MORC1: variants seen among roughly 807,000 people sequenced by gnomAD.
The protein encoded by MORC1 is MORC family CW-type zinc finger protein 1.
In MORC1, 59 loss-of-function variants were observed where a neutral mutation model predicts 134.9. That is an observed-to-expected ratio of 0.44 (90% CI 0.35 to 0.54). The LOEUF is 0.54. MORC1 is among the 20% of genes least tolerant of loss of function. The pLI is 0.00. For synonymous variants in MORC1, 395 were observed against 391.7 expected, an observed-to-expected ratio of 1.01 and a Z score of -0.10; for missense variants, 947 against 1,134.5, an observed-to-expected ratio of 0.83 and a Z score of 2.37.
At chr3:109,111,620 G>A (rs2107804585) in intron 2 of MORC1, among the ~76,000 whole-genome samples, 1 of 152,210 alleles carries the variant, frequency 6.6e-6, no homozygotes, top group African/African-American at 2.4e-5. Flanking sequence ...CAATATCGAG[G>A]GTGTGAGAGA....
At chr3:109,074,176 T>C (rs1322761495) in intron 8 of MORC1, among the ~76,000 whole-genome samples, 1 of 152,166 alleles carries the variant, frequency 6.6e-6, no homozygotes, top group Non-Finnish European at 1.5e-5. Flanking sequence ...ATATCATCAC[T>C]CTCAGAGCTG....
intron 26 of MORC1, among the ~76,000 whole-genome samples, chr3:108,967,540 A>G (rs939310992): frequency 2.0e-5 from 3 of 152,188 alleles, no homozygotes; most frequent in Non-Finnish European, 4.4e-5. Context: ...TACTGTCAGC[A>G]TCTCCTCAAT....
chr3:108,995,877 C>T (rs1026296664), intron 21 of MORC1, among the ~76,000 whole-genome samples: 4 of 152,114 alleles, frequency 2.6e-5, no homozygotes, highest in Non-Finnish European at 5.9e-5. Flanking sequence ...GAATGTTAGC[C>T]AGTGCCATAT....
chr3:109,107,948 C>T (rs920200294), intron 3 of MORC1, among the ~76,000 whole-genome samples: 1 of 152,128 alleles, frequency 6.6e-6, no homozygotes, highest in East Asian at 1.9e-4. Flanking sequence ...GTAATCCCAG[C>T]ACTTTGGGAG....
At chr3:109,105,025 G>C (rs1261507170) in intron 3 of MORC1, among the ~76,000 whole-genome samples, 1 of 152,026 alleles carries the variant, frequency 6.6e-6, no homozygotes, top group South Asian at 2.1e-4. Flanking sequence ...AGCAATCACT[G>C]ATATGCTTTC....
intron 22 of MORC1, among the ~76,000 whole-genome samples, chr3:108,986,461 G>A (rs756728704): frequency 2.0e-5 from 3 of 152,044 alleles, no homozygotes; most frequent in Non-Finnish European, 4.4e-5. Context: ...ACTACTTTTA[G>A]GGACCTCAGA....
At chr3:109,045,625 T>C (rs923894782) in intron 14 of MORC1, among the ~76,000 whole-genome samples, 2 of 152,130 alleles carry the variant, frequency 1.3e-5, no homozygotes, top group African/African-American at 4.8e-5. Context: ...GTGGTCTACT[T>C]GAAGTGAAAA....
At chr3:109,062,140 T>G in intron 10 of MORC1, 82 bp from the exon 11 acceptor site, 1 of 1,262,074 alleles carries the variant, frequency 7.9e-7, no homozygotes, top group Non-Finnish European at 1.2e-6. Context: ...ACATGTAGCA[T>G]GACCAGTGAA....
intron 27 of MORC1, among the ~76,000 whole-genome samples, chr3:108,961,251 C>T (rs537681382): frequency 1.6e-4 from 24 of 152,288 alleles, no homozygotes; most frequent in Non-Finnish European, 1.8e-4. Flanking sequence ...ACTCCCTCTA[C>T]CACAGATTTG....
Position 109,035,468 on chromosome 3 carries a change from T to C in MORC1, c.1331A>G (p.Asn444Ser). The C allele has an allele frequency of 7.5e-7, 1 of 1,328,794 alleles. No individual in the cohort carries two copies. The highest frequency in any genetic ancestry group is 9.8e-7 in the Non-Finnish European group (1 of 1,016,880). The allele number at this position is 1,328,794 out of a possible 1,614,324, so 82.3% of individuals were successfully genotyped here. A position where few individuals can be genotyped will look rare whatever the true frequency, so the allele number is the denominator to read the frequency against. Residue 444 changes from asparagine (N) to serine (S), a missense_variant and splice_region_variant, in exon 15 of 28, where the codon AAT becomes AGT. This residue lies in a region of MORC1 where 722 missense variants were observed against 817.0 expected (regional missense o/e 0.88). Coordinates refer to ENST00000232603, the MANE Select transcript of MORC1 (RefSeq NM_014429.4). Reference protein sequence around the residue: ...LVQYCKDTGINNRNLTLFCNE... With the variant: ...LVQYCKDTGISNRNLTLFCNE... ...GCAAAACAATGTTAAATTTCTATTA[T>C]CTTTTAAAAAAAAAAGCAGGCAAAG...
chr3:109,064,389 A>G (rs1228411137), intron 9 of MORC1, among the ~76,000 whole-genome samples: 1 of 152,160 alleles, frequency 6.6e-6, no homozygotes, highest in Non-Finnish European at 1.5e-5. Flanking sequence ...TAAAAATATG[A>G]AGAAACACTA....
At chr3:109,097,724 C>T (rs1358257970) in intron 6 of MORC1, among the ~76,000 whole-genome samples, 1 of 151,968 alleles carries the variant, frequency 6.6e-6, no homozygotes, top group Non-Finnish European at 1.5e-5. Context: ...TATTCAGTGA[C>T]AGTAATACAC....
intron 17 of MORC1, among the ~76,000 whole-genome samples, chr3:109,022,385 G>A (rs947417399): frequency 6.6e-6 from 1 of 152,112 alleles, no homozygotes; most frequent in Non-Finnish European, 1.5e-5. Flanking sequence ...CTAAAAGTTC[G>A]GCAAGCCTTC....
chr3:109,032,989 T>C (rs1949273914), intron 15 of MORC1, among the ~76,000 whole-genome samples, 164 bp from the exon 16 acceptor site: 1 of 150,286 alleles, frequency 6.7e-6, no homozygotes, highest in African/African-American at 2.5e-5. Context: ...ATTCTAGGGT[T>C]CTATGAGCTA....
At chr3:109,053,899 T>C (rs181466065) in intron 14 of MORC1, among the ~76,000 whole-genome samples, 2 of 152,362 alleles carry the variant, frequency 1.3e-5, no homozygotes, top group African/African-American at 4.8e-5. Flanking sequence ...TTTATCTTTT[T>C]AAGTTTCCAG....
At chr3:109,085,889 C>A (rs1273992924) in intron 8 of MORC1, among the ~76,000 whole-genome samples, 1 of 152,050 alleles carries the variant, frequency 6.6e-6, no homozygotes, top group Non-Finnish European at 1.5e-5. Flanking sequence ...TGTACATATA[C>A]ACAACAGAAT....
At chr3:109,068,633 C>T (rs937389913) in intron 9 of MORC1, among the ~76,000 whole-genome samples, 7 of 152,142 alleles carry the variant, frequency 4.6e-5, no homozygotes, top group African/African-American at 1.4e-4. Flanking sequence ...TTTGGGTTGG[C>T]TCCATGATTT....
Position 108,984,790 on chromosome 3 carries a change from A to G in MORC1, c.2258-8T>C, listed in dbSNP as rs1297111226. 1 of 1,601,894 alleles carries G rather than the reference A, an allele frequency of 6.2e-7. No homozygotes were observed. The highest frequency in any genetic ancestry group is 1.3e-5 in the African/African-American group (1 of 74,604). ...TGCACAGCTCCTGTTTTTCTTCAAA[A>G]GAACATAGACAAACAATCGCATTTG... On this transcript the variant is annotated splice_region_variant and splice_polypyrimidine_tract_variant and intron_variant, in intron 22 of 27. Coordinates refer to ENST00000232603, the MANE Select transcript of MORC1 (RefSeq NM_014429.4).
intron 8 of MORC1, among the ~76,000 whole-genome samples, chr3:109,085,909 C>T (rs1301038525): frequency 1.3e-5 from 2 of 152,038 alleles, no homozygotes; most frequent in Admixed American, 1.3e-4. Context: ...TACTACTCAG[C>T]CATAAAAAAG....
Sources: gnomAD v4.1 joint callset for allele counts (sites outside exome capture counted in the v4.1 genomes callset) on GRCh38, gnomAD v4.1.1 for gene constraint, gnomAD v4.1.1 regional missense constraint, MANE v1.5 for transcripts, NCBI Gene and HGNC (gene_info 2026-07-23, HGNC 2026-07-21) for gene names.